The following BTBD8 variants were observed in gnomAD, a reference collection of about 807,000 sequenced individuals.
The protein encoded by BTBD8 is BTB/POZ domain-containing protein 8.
A neutral mutation model predicts 162.9 loss-of-function variants in BTBD8; 110 were observed. That is an observed-to-expected ratio of 0.68 (90% CI 0.58 to 0.79). The LOEUF is 0.79. Ranked by LOEUF, BTBD8 falls within the 30% of genes least tolerant of loss-of-function variation. The pLI is 0.00. For missense variants in BTBD8, 1,905 were observed against 2,085.4 expected (o/e 0.91, Z 1.68); for synonymous variants, 667 against 716.1 (o/e 0.93, Z 1.10).
intron 9 of BTBD8, among the ~76,000 whole-genome samples, chr1:92,164,602 G>C (rs1323938964): frequency 6.6e-6 from 1 of 151,486 alleles, no homozygotes; most frequent in African/African-American, 2.4e-5. Flanking sequence ...CTGGGTGACA[G>C]AGCGAGACCC....
chr1:92,115,106 A>T, intron 4 of BTBD8: 1 of 442,228 alleles, frequency 2.3e-6, no homozygotes. Flanking sequence ...TGGGGACATG[A>T]AAGGCCACGC....
At chr1:92,170,072 G>A (rs116162239) in intron 12 of BTBD8, among the ~76,000 whole-genome samples, 133 of 152,138 alleles carry the variant, frequency 8.7e-4, no homozygotes, top group Middle Eastern at 3.4e-3. Flanking sequence ...GCTCTCTTCC[G>A]ATTAGTAGCA....
intron 5 of BTBD8, among the ~76,000 whole-genome samples, chr1:92,133,969 C>A (rs995975317): frequency 1.2e-3 from 163 of 140,944 alleles, no homozygotes; most frequent in South Asian, 1.6e-3. Flanking sequence ...GACTCTGTCT[C>A]AAAAAAAAAA....
chr1:92,104,153 A>G (rs900672713), intron 3 of BTBD8, among the ~76,000 whole-genome samples: 1 of 152,236 alleles, frequency 6.6e-6, no homozygotes, highest in Non-Finnish European at 1.5e-5. Context: ...TAATACATGA[A>G]TTGTATTGGA....
chr1:92,113,942 G>A (rs1648969339), intron 4 of BTBD8, among the ~76,000 whole-genome samples: 1 of 150,996 alleles, frequency 6.6e-6, no homozygotes. Flanking sequence ...AATCCAGGAG[G>A]CGGAGGTTGC....
At chr1:92,152,293 A>G (rs1329437520) in intron 9 of BTBD8, among the ~76,000 whole-genome samples, 2 of 152,306 alleles carry the variant, frequency 1.3e-5, no homozygotes, top group East Asian at 3.9e-4. Flanking sequence ...ATTAAGTTAC[A>G]TGTCAAATCT....
chr1:92,123,207 G>T (rs200115368), intron 4 of BTBD8, among the ~76,000 whole-genome samples: 29 of 152,242 alleles, frequency 1.9e-4, no homozygotes, highest in African/African-American at 6.7e-4. Flanking sequence ...TGATTTATAT[G>T]TCCACCCTTA....
At chr1:92,100,365 C>T (rs955906805) in intron 2 of BTBD8, among the ~76,000 whole-genome samples, 1 of 151,986 alleles carries the variant, frequency 6.6e-6, no homozygotes, top group African/African-American at 2.4e-5. Flanking sequence ...CCTTCCTCTC[C>T]TGTGTTTTTG....
rs190059226 is a variant in BTBD8 at position 92,160,411 on chromosome 1, C to T, written c.1123-6547C>T. On this transcript the variant is annotated intron_variant, in intron 9 of 17. Transcript: ENST00000636805. The stretch of plus-strand genomic sequence containing the variant: ...GGAACATATTTCTTTGTTCATTTTC[C>T]TTGACTCTCTTTGTATCTGCACATT... 2.3e-3 allele frequency among the ~76,000 whole-genome samples: 344 copies of T among 151,912 alleles called. 1 individual carries two copies. Among genetic ancestry groups the T allele is most frequent in the African/African-American group, 7.8e-3 (325 of 41,414 alleles).
chr1:92,153,374 T>A (rs1650090870), intron 9 of BTBD8, among the ~76,000 whole-genome samples: 1 of 152,170 alleles, frequency 6.6e-6, no homozygotes, highest in African/African-American at 2.4e-5. Context: ...TATTTTATTT[T>A]ATTTTGGAAA....
intron 5 of BTBD8, among the ~76,000 whole-genome samples, chr1:92,130,264 C>T (rs1300413169): frequency 6.6e-6 from 1 of 152,178 alleles, no homozygotes; most frequent in Admixed American, 6.5e-5. Context: ...TCAGAGGCCC[C>T]ATCTCTAAAT....
rs963899898 is a variant in BTBD8 at position 92,141,235 on chromosome 1, T to G, written c.930+24T>G. 7 of 1,565,454 alleles carry G rather than the reference T, an allele frequency of 4.5e-6. No individual in the cohort carries two copies. The Admixed American group carries it at 1.3e-4, about 28-fold the overall frequency. On this transcript the variant is annotated intron_variant, in intron 7 of 17. Transcript: ENST00000636805. ...AGGTAATTATTGAGCCTCAGAAATC[T>G]TTTATCCAGTGCATTGTCACCCATT...
At chr1:92,183,702 A>T (rs1650988195) in intron 17 of BTBD8, among the ~76,000 whole-genome samples, 162 bp from the exon 18 acceptor site, 1 of 150,932 alleles carries the variant, frequency 6.6e-6, no homozygotes, top group Non-Finnish European at 1.5e-5. Flanking sequence ...AACACATAAA[A>T]ATGCCTCAAA....
Position 92,168,999 on chromosome 1 carries a change from C to T in BTBD8, c.1573+4C>T, listed in dbSNP as rs141564225. The T allele has an allele frequency of 1.6e-4, 247 of 1,521,662 alleles. 1 individual carries two copies. The African/African-American group carries it at 3.0e-3, about 19-fold the overall frequency. The allele number at this position is 1,521,662 out of a possible 1,614,324, so 94.3% of individuals were successfully genotyped here. ...GATCAACAGAAAATCCAAGCAGGTA[C>T]GTTAGCCTTGAGATATTTCAATTCT... On this transcript the variant is annotated splice_donor_region_variant and intron_variant, in intron 12 of 17. Coordinates refer to ENST00000636805, the MANE Select transcript of BTBD8 (RefSeq NM_001376131.1).
chr1:92,114,378 T>A (rs1648981064), intron 4 of BTBD8, among the ~76,000 whole-genome samples: 1 of 152,092 alleles, frequency 6.6e-6, no homozygotes, highest in Non-Finnish European at 1.5e-5. Flanking sequence ...TTTCACTTTA[T>A]CCAATTCTAT....
At chr1:92,165,015 A>G (rs936349176) in intron 9 of BTBD8, among the ~76,000 whole-genome samples, 2 of 151,606 alleles carry the variant, frequency 1.3e-5, no homozygotes, top group Non-Finnish European at 2.9e-5. Flanking sequence ...CAGCTACTTG[A>G]AAGGCTGAAG....
At chr1:92,127,414 TACA>T (rs1161706220) in intron 4 of BTBD8, among the ~76,000 whole-genome samples, 1 of 152,192 alleles carries the variant, frequency 6.6e-6, no homozygotes, top group Admixed American at 6.5e-5. Flanking sequence ...TTGAATTTGC[TACA>T]ACTAGATTCA....
rs376632349 is a variant in BTBD8 at position 92,135,901 on chromosome 1, G to A, written c.753-3449G>A. Among the ~76,000 whole-genome samples the A allele has an allele frequency of 2.6e-5, 4 of 152,130 alleles. 1 individual carries two copies. The South Asian group carries it at 6.2e-4, about 24-fold the overall frequency. The stretch of plus-strand genomic sequence containing the variant: ...ATTCTTATTAATGTTGATAAGAATC[G>A]TTCTGGAAATTCTGAGGAAAAGTAT... On this transcript the variant is annotated intron_variant, in intron 5 of 17. Transcript: ENST00000636805.
At chr1:92,098,057 G>A (rs1259232430) in intron 2 of BTBD8, among the ~76,000 whole-genome samples, 1 of 152,148 alleles carries the variant, frequency 6.6e-6, no homozygotes, top group African/African-American at 2.4e-5. Flanking sequence ...TGGTCACGTA[G>A]GCACTCCTGC....
Sources: allele counts gnomAD v4.1 joint callset (sites outside exome capture counted in the v4.1 genomes callset), GRCh38; gene constraint gnomAD v4.1.1; transcripts MANE v1.5; gene names NCBI Gene and HGNC (gene_info 2026-07-23, HGNC 2026-07-21).